Variants in SYNE1 observed in about 807,000 individuals in gnomAD.
The protein encoded by SYNE1 is nesprin-1.
A neutral mutation model predicts 1,111.0 loss-of-function variants in SYNE1; 616 were observed. The observed-to-expected ratio is 0.55, with a 90% CI of 0.52 to 0.59. The LOEUF (loss-of-function observed/expected upper bound fraction) is 0.59. Among genes scored for constraint, SYNE1 ranks in the 20% least tolerant of loss-of-function variants. SYNE1 has a pLI of 0.00. For synonymous variants in SYNE1, 3,855 were observed against 3,825.8 expected (o/e 1.01, Z -0.28); for missense variants, 10,006 against 10,417.0 (o/e 0.96, Z 1.72).
intron 96 of SYNE1, among the ~76,000 whole-genome samples, chr6:152,282,404 C>A (rs573868855): frequency 1.3e-5 from 2 of 152,286 alleles, no homozygotes; most frequent in African/African-American, 4.8e-5. Flanking sequence ...TGCGGCCTGT[C>A]TAAAACAGCA....
At chr6:152,482,643 C>T (rs929255438) in intron 14 of SYNE1, among the ~76,000 whole-genome samples, 3 of 151,984 alleles carry the variant, frequency 2.0e-5, no homozygotes, top group East Asian at 3.9e-4. Context: ...AAGCCTAACC[C>T]CACCACTTCC....
chr6:152,216,011 C>T (rs528930388), intron 121 of SYNE1, among the ~76,000 whole-genome samples: 6 of 152,212 alleles, frequency 3.9e-5, no homozygotes, highest in Non-Finnish European at 8.8e-5. Context: ...TCCCTTCAAA[C>T]ACAGGACAAT....
intron 130 of SYNE1, among the ~76,000 whole-genome samples, chr6:152,170,430 T>C (rs2064897408): frequency 6.6e-6 from 1 of 152,202 alleles, no homozygotes; most frequent in African/African-American, 2.4e-5. Context: ...AATGAGCAAC[T>C]TGAGGCTCAG....
intron 63 of SYNE1, 109 bp downstream of exon 63, chr6:152,364,738 A>AAGGAAGGAAGGGAGG (rs775619258): frequency 1.4e-6 from 1 of 716,234 alleles, no homozygotes; most frequent in African/African-American, 2.1e-5. Flanking sequence ...GGGAGGAAGG[A>AAGGAAGGAAGGGAGG]AAGGAAAGGG....
In SYNE1 at chr6:152,398,634, C is replaced by G. The variant is rs770329883; in HGVS notation, c.7335G>C (p.Lys2445Asn). Residue 2445 changes from lysine to asparagine, a missense_variant, in exon 49 of 146, where the codon AAG becomes AAC. Physicochemically the swap from Lys to Asn is moderately conservative, Grantham distance 94. Transcript: ENST00000367255. Reference protein sequence around the residue: ...RTGDSKVLEAKLHDLQNILDS... With the variant: ...RTGDSKVLEANLHDLQNILDS... ...GCTTCTATACCTGAAGATCATGGAG[C>G]TTTGCTTCTAGAACTTTGCTGTCAC... 1 of 1,613,860 alleles carries G rather than the reference C, an allele frequency of 6.2e-7. No homozygotes were observed. Among genetic ancestry groups the G allele is most frequent in the East Asian group, 2.2e-5 (1 of 44,860 alleles).
rs1012520673 is a variant in SYNE1, at chr6:152,565,063, G to A, written c.68-25042C>T. On this transcript the variant is annotated intron_variant, in intron 3 of 145. Coordinates refer to ENST00000367255, the MANE Select transcript of SYNE1 (RefSeq NM_182961.4). ...ATAGCAGCAATTAACTTCTCTTAAG[G>A]GAATAGAACAGACCATTGCTTTCTT... Among the ~76,000 whole-genome samples the A allele has an allele frequency of 7.2e-5, 11 of 152,114 alleles. No homozygotes were observed. In the East Asian group the frequency reaches 1.9e-3, roughly 27 times the overall value.
At chr6:152,355,003 C>T (rs377743721) in intron 66 of SYNE1, 27 bp from the exon 67 acceptor site, 3 of 1,611,116 alleles carry the variant, frequency 1.9e-6, no homozygotes, top group Middle Eastern at 1.7e-4. Flanking sequence ...ATGGCTGTCA[C>T]TCTCAATCAT....
In SYNE1 at chr6:152,133,331, A is replaced by C; in HGVS notation, c.25946T>G (p.Val8649Gly). Reference protein sequence around the residue: ...GNRLKLLLKEVSRHIKELEKL... With the variant: ...GNRLKLLLKEGSRHIKELEKL... ...CTCCAGTTCCTTGATATGACGACTG[A>C]CCTCCTTCAAGAGAAGTTTGAGCCG... The change falls in exon 143 of 146, where the codon GTC (valine) becomes GGC (glycine). Residue 8649 changes from valine to glycine, a missense_variant. Physicochemically the swap from Val to Gly is moderately radical, Grantham distance 109. Coordinates refer to ENST00000367255, the MANE Select transcript of SYNE1 (RefSeq NM_182961.4). The C allele has an allele frequency of 6.2e-7, 1 of 1,613,902 alleles. No homozygotes were observed. Among genetic ancestry groups the C allele is most frequent in the Non-Finnish European group, 8.5e-7 (1 of 1,179,978 alleles).
chr6:152,220,412 T>G (rs1367313597), intron 119 of SYNE1, among the ~76,000 whole-genome samples: 1 of 151,884 alleles, frequency 6.6e-6, no homozygotes, highest in Non-Finnish European at 1.5e-5. Context: ...AGAGAAAGAC[T>G]TCTTTCTACC....
intron 94 of SYNE1, 76 bp downstream of exon 94, chr6:152,293,884 T>C: frequency 6.2e-7 from 1 of 1,610,322 alleles, no homozygotes. Flanking sequence ...GTAAACTCTC[T>C]GCATGTATTT....
chr6:152,515,209 AAG>A (rs991200780), intron 6 of SYNE1, among the ~76,000 whole-genome samples: 3 of 151,668 alleles, frequency 2.0e-5, no homozygotes, highest in African/African-American at 7.3e-5. Flanking sequence ...GTGACAAAGC[AAG>A]AGTCTGTCTC....
chr6:152,124,694 GA>G (rs11305825), intron 145 of SYNE1, among the ~76,000 whole-genome samples: 124,430 of 151,848 alleles, frequency 0.82, 51,362 homozygotes, highest in African/African-American at 0.91. Flanking sequence ...TAAGCTGAGG[GA>G]AAAAAAAAGT....
chr6:152,418,790 T>TGGAAAGACTGTTAGCACA (rs2098208062), intron 40 of SYNE1, among the ~76,000 whole-genome samples: 2 of 152,194 alleles, frequency 1.3e-5, no homozygotes, highest in Non-Finnish European at 1.5e-5. Context: ...ACATCTCACT[T>TGGAAAGACTGTTAGCACA]GGAAAGACTG....
At chr6:152,517,098 A>G (rs1329568511) in intron 6 of SYNE1, among the ~76,000 whole-genome samples, 11 of 152,224 alleles carry the variant, frequency 7.2e-5, no homozygotes, top group Non-Finnish European at 1.5e-4. Context: ...TGCACAATTG[A>G]CTGAAATGTA....
At chr6:152,374,320 CAA>C (rs1227296668) in intron 58 of SYNE1, among the ~76,000 whole-genome samples, 1 of 152,176 alleles carries the variant, frequency 6.6e-6, no homozygotes, top group East Asian at 1.9e-4. Flanking sequence ...AGCACAAGCT[CAA>C]AGTTATTTAT....
At chr6:152,630,129 TAA>T (rs543594194) in intron 2 of SYNE1, among the ~76,000 whole-genome samples, 7 of 138,660 alleles carry the variant, frequency 5.0e-5, no homozygotes, top group Admixed American at 1.5e-4. Context: ...GCCTATTATC[TAA>T]AAAAAAAAAA....
chr6:152,122,764 A>C (rs1027036416), intron 145 of SYNE1, 88 bp from the exon 146 acceptor site: 24 of 1,596,038 alleles, frequency 1.5e-5, no homozygotes, highest in Non-Finnish European at 2.0e-5. Context: ...TGGAAGCTAA[A>C]GGGCCATGCC....
chr6:152,164,691 G>A (rs143112235), intron 130 of SYNE1, among the ~76,000 whole-genome samples: 5 of 152,294 alleles, frequency 3.3e-5, no homozygotes, highest in Non-Finnish European at 7.4e-5. Flanking sequence ...CCTGTTAAGA[G>A]CCTGACATGG....
chr6:152,130,494 G>C (rs113611668), intron 145 of SYNE1, among the ~76,000 whole-genome samples: 2 of 152,288 alleles, frequency 1.3e-5, no homozygotes, highest in Admixed American at 6.5e-5. Flanking sequence ...GCTATGTTGA[G>C]ACAAACAGAA....
Sources: gnomAD v4.1 joint callset for allele counts (sites outside exome capture counted in the v4.1 genomes callset) on GRCh38, gnomAD v4.1.1 for gene constraint, MANE v1.5 for transcripts, NCBI Gene and HGNC (gene_info 2026-07-23, HGNC 2026-07-21) for gene names.